CSMD1: variants seen among roughly 807,000 people sequenced by gnomAD.
CSMD1 encodes the protein CUB and sushi domain-containing protein 1.
A neutral mutation model predicts 417.5 loss-of-function variants in CSMD1; 213 were observed. The ratio of observed to expected loss-of-function variants is 0.51; its 90% CI spans 0.46 to 0.57. The LOEUF is 0.57. Among genes scored for constraint, CSMD1 ranks in the 20% least tolerant of loss-of-function variants. CSMD1 has a pLI of 0.00. For missense variants in CSMD1, 6,923 were observed against 4,529.7 expected, an observed-to-expected ratio of 1.53 and a Z score of -15.17; for synonymous variants, 2,862 against 1,736.8, an observed-to-expected ratio of 1.65 and a Z score of -16.11.
intron 3 of CSMD1, among the ~76,000 whole-genome samples, chr8:4,067,095 G>A (rs1211053132): frequency 6.6e-6 from 1 of 152,204 alleles, no homozygotes; most frequent in African/African-American, 2.4e-5. Context: ...AAGGGTACAA[G>A]GCTCTTTTTC....
At chr8:3,881,893 G>A (rs939125953) in intron 5 of CSMD1, among the ~76,000 whole-genome samples, 67 of 152,194 alleles carry the variant, frequency 4.4e-4, no homozygotes, top group African/African-American at 1.6e-3. Context: ...TGGGTCAGTT[G>A]CATGTTCATA....
chr8:4,768,406 C>T (rs1273251121), intron 1 of CSMD1, among the ~76,000 whole-genome samples: 1 of 152,216 alleles, frequency 6.6e-6, no homozygotes, highest in East Asian at 1.9e-4. Flanking sequence ...TCCATACAGT[C>T]TGCCGGGTGT....
intron 3 of CSMD1, among the ~76,000 whole-genome samples, chr8:4,144,992 C>T (rs1393635379): frequency 2.0e-5 from 3 of 151,142 alleles, no homozygotes; most frequent in Admixed American, 1.3e-4. Flanking sequence ...TTTCATAAAA[C>T]GTTCTCTACT....
At chr8:4,706,815 G>C (rs1807973114) in intron 1 of CSMD1, among the ~76,000 whole-genome samples, 1 of 152,210 alleles carries the variant, frequency 6.6e-6, no homozygotes, top group Non-Finnish European at 1.5e-5. Context: ...ACTTGTGTCA[G>C]ATAAACACAG....
intron 1 of CSMD1, among the ~76,000 whole-genome samples, chr8:4,865,746 G>C (rs1802388321): frequency 6.6e-6 from 1 of 151,838 alleles, no homozygotes; most frequent in South Asian, 2.1e-4. Flanking sequence ...ATATAAGAGA[G>C]AAAAGCTCAA....
At position 2,976,063 on chromosome 8, in the gene CSMD1, C is replaced by T. The variant is rs187633211; in HGVS notation, c.8567-1439G>A. ...GAGAATGCAGACATAATTTGAAGAC[C>T]GTAACACATTTACAGATGCATTTTT... On this transcript the variant is annotated intron_variant, in intron 55 of 69. Transcript: ENST00000635120. Among the ~76,000 whole-genome samples, 25 of 152,192 alleles carry T rather than the reference C, an allele frequency of 1.6e-4. 1 individual carries two copies. Among genetic ancestry groups the T allele is most frequent in the Middle Eastern group, 3.4e-3 (1 of 294 alleles).
chr8:3,212,494 A>G (rs1483220194), intron 30 of CSMD1, among the ~76,000 whole-genome samples: 3 of 152,076 alleles, frequency 2.0e-5, no homozygotes, highest in African/African-American at 4.8e-5. Context: ...GACTACAGGC[A>G]TGAGCCACCA....
At chr8:4,211,549 A>G (rs1212561132) in intron 3 of CSMD1, among the ~76,000 whole-genome samples, 1 of 152,206 alleles carries the variant, frequency 6.6e-6, no homozygotes, top group Admixed American at 6.5e-5. Flanking sequence ...GAGCATTCCA[A>G]GAAATGTTTA....
At chr8:4,788,571 G>A in intron 1 of CSMD1, 2 of 1,337,408 alleles carry the variant, frequency 1.5e-6, no homozygotes, top group South Asian at 1.6e-5. Flanking sequence ...AAGAAAATCA[G>A]AGAATGTAAT....
At position 3,827,822 on chromosome 8, in the gene CSMD1, G is replaced by T. The variant is rs374790405; in HGVS notation, c.819-73780C>A. Among the ~76,000 whole-genome samples the T allele has an allele frequency of 2.0e-5, 3 of 152,260 alleles. No homozygotes were observed. In the East Asian group the frequency reaches 5.8e-4, roughly 29 times the overall value. ...GTTACACAAATATGACACTGTAAAA[G>T]TCGGTCCACTAATAACTCACAGTGC... is the stretch of plus-strand genomic sequence containing the variant. On this transcript the variant is annotated intron_variant, in intron 5 of 69. Transcript: ENST00000635120.
chr8:3,530,731 G>A (rs992481072), intron 10 of CSMD1, among the ~76,000 whole-genome samples: 1 of 152,082 alleles, frequency 6.6e-6, no homozygotes, highest in Admixed American at 6.6e-5. Context: ...GTTTCACCAT[G>A]TTGGCCAGGC....
At chr8:3,551,288 A>C (rs758640683) in intron 10 of CSMD1, among the ~76,000 whole-genome samples, 4 of 152,184 alleles carry the variant, frequency 2.6e-5, no homozygotes, top group African/African-American at 4.8e-5. Flanking sequence ...GTACTACAGG[A>C]CTGTCATATC....
At chr8:4,702,785 G>C (rs190104518) in intron 1 of CSMD1, among the ~76,000 whole-genome samples, 4 of 152,090 alleles carry the variant, frequency 2.6e-5, no homozygotes, top group South Asian at 2.1e-4. Flanking sequence ...AAAATGTTAG[G>C]TAGCAAAATA....
At chr8:4,742,871 G>A (rs768350332) in intron 1 of CSMD1, among the ~76,000 whole-genome samples, 1 of 152,058 alleles carries the variant, frequency 6.6e-6, no homozygotes, top group Non-Finnish European at 1.5e-5. Context: ...TTAATGGTCT[G>A]TTTATAAGAG....
intron 21 of CSMD1, among the ~76,000 whole-genome samples, chr8:3,356,172 G>T (rs891567630): frequency 2.0e-5 from 3 of 152,158 alleles, no homozygotes; most frequent in African/African-American, 7.2e-5. Flanking sequence ...GCAACCTTTG[G>T]TATGGATTTG....
Position 3,082,132 on chromosome 8 carries a change from T to A in CSMD1, c.7474+4965A>T, listed in dbSNP as rs1037839. 1.6e-4 allele frequency among the ~76,000 whole-genome samples: 24 copies of A among 152,336 alleles called. No individual in the cohort carries two copies. The South Asian group carries it at 4.6e-3, about 29-fold the overall frequency. On this transcript the variant is annotated intron_variant, in intron 49 of 69. Transcript: ENST00000635120. ...TACCTGTTTTCATGCAAAACTTGTT[T>A]CTCACTGTATTTCTGGAAGTCTTCA...
At chr8:4,350,565 A>T (rs1360607528) in intron 3 of CSMD1, among the ~76,000 whole-genome samples, 1 of 152,196 alleles carries the variant, frequency 6.6e-6, no homozygotes, top group Non-Finnish European at 1.5e-5. Flanking sequence ...TTCCACATTT[A>T]TTCAATTAAC....
rs528155173 is a variant in CSMD1 at position 4,788,947 on chromosome 8, G to C, written c.86-151389C>G. ...ATGAGAAGGACAGACTGTAGATGCA[G>C]AGTTCTGACATGAACTGAGATCAGA... On this transcript the variant is annotated intron_variant, in intron 1 of 69. Coordinates refer to ENST00000635120, the MANE Select transcript of CSMD1 (RefSeq NM_033225.6). 1.3e-4 allele frequency among the ~76,000 whole-genome samples: 20 copies of C among 152,282 alleles called. No individual in the cohort carries two copies. In the South Asian group the frequency reaches 3.5e-3, roughly 27 times the overall value.
intron 2 of CSMD1, among the ~76,000 whole-genome samples, chr8:4,469,524 C>T (rs1022509130): frequency 1.3e-5 from 2 of 152,128 alleles, no homozygotes; most frequent in Admixed American, 1.3e-4. Flanking sequence ...CTATTCCTTC[C>T]GGAGCCTTCC....
Sources: allele counts gnomAD v4.1 joint callset (sites outside exome capture counted in the v4.1 genomes callset), GRCh38; gene constraint gnomAD v4.1.1; transcripts MANE v1.5; gene names NCBI Gene and HGNC (gene_info 2026-07-23, HGNC 2026-07-21).